PTGER3: variants seen among roughly 807,000 people sequenced by gnomAD.
The protein encoded by PTGER3 is prostaglandin E2 receptor EP3 subtype.
A neutral mutation model predicts 34.7 loss-of-function variants in PTGER3; 22 were observed. The observed-to-expected ratio is 0.63, with a 90% CI of 0.45 to 0.91. PTGER3 has a LOEUF of 0.91. Ranked by LOEUF, PTGER3 falls within the 40% of genes least tolerant of loss-of-function variation. The pLI, the probability that PTGER3 is intolerant of heterozygous loss-of-function variation, is 0.00. For synonymous variants in PTGER3, 241 were observed against 230.1 expected (o/e 1.05, Z -0.43); for missense variants, 468 against 519.4 (o/e 0.90, Z 0.96).
At chr1:70,990,591 T>A (rs1655383430) in intron 2 of PTGER3, among the ~76,000 whole-genome samples, 1 of 151,858 alleles carries the variant, frequency 6.6e-6, no homozygotes, top group Non-Finnish European at 1.5e-5. Context: ...GGCAGTGGCA[T>A]AACCACAGCC....
downstream of PTGER3, among the ~76,000 whole-genome samples, chr1:70,966,175 A>G (rs1404729248): frequency 1.3e-5 from 2 of 152,160 alleles, no homozygotes; most frequent in Admixed American, 6.5e-5. Context: ...TGTTCATTTT[A>G]TTGTACAGGC....
chr1:71,011,245 G>A, intron 2 of PTGER3: 3 of 985,330 alleles, frequency 3.0e-6, no homozygotes, highest in Non-Finnish European at 3.6e-6. Flanking sequence ...GCAGGCAGAA[G>A]AGCTGTGAAG....
chr1:71,040,031 G>T (rs1182239542), intron 1 of PTGER3, among the ~76,000 whole-genome samples: 4 of 150,542 alleles, frequency 2.7e-5, no homozygotes, highest in Admixed American at 6.7e-5. Context: ...AGGCATTTTT[G>T]TTTCAGAAAG....
At chr1:70,916,955 T>G (rs1647186570) in intron 4 of PTGER3, among the ~76,000 whole-genome samples, 1 of 152,042 alleles carries the variant, frequency 6.6e-6, no homozygotes. Context: ...TTTCAACACA[T>G]GTATACATGA....
intron 2 of PTGER3, among the ~76,000 whole-genome samples, chr1:70,960,595 T>C (rs1177664510): frequency 6.6e-6 from 1 of 152,078 alleles, no homozygotes; most frequent in Non-Finnish European, 1.5e-5. Flanking sequence ...GAGACCATAC[T>C]ACCAATGTCA....
intron 4 of PTGER3, among the ~76,000 whole-genome samples, chr1:70,883,201 G>A (rs958874559): frequency 1.3e-5 from 2 of 152,162 alleles, no homozygotes; most frequent in Non-Finnish European, 2.9e-5. Flanking sequence ...TTATGTTCCT[G>A]AGGGCAGTTT....
chr1:70,979,510 C>T (rs1402140712), intron 2 of PTGER3, among the ~76,000 whole-genome samples: 1 of 152,036 alleles, frequency 6.6e-6, no homozygotes, highest in Non-Finnish European at 1.5e-5. Context: ...TGCACGTTAT[C>T]TACTGTCATT....
intron 2 of PTGER3, among the ~76,000 whole-genome samples, chr1:70,957,914 A>T (rs1358663461): frequency 6.6e-6 from 1 of 152,108 alleles, no homozygotes; most frequent in African/African-American, 2.4e-5. Context: ...TAGATTTCAC[A>T]TGAGTGAGAT....
chr1:70,923,282 T>C (rs1647732084), intron 4 of PTGER3, among the ~76,000 whole-genome samples: 2 of 152,146 alleles, frequency 1.3e-5, no homozygotes, highest in African/African-American at 2.4e-5. Context: ...ACTCCTCTAA[T>C]TCTGATATGG....
chr1:70,862,430 T>C, intron 4 of PTGER3: 1 of 1,293,000 alleles, frequency 7.7e-7, no homozygotes, highest in Non-Finnish European at 1.0e-6. Flanking sequence ...AATATTGTGC[T>C]GAAAAAGTCC....
chr1:71,015,300 C>T (rs1045087430), intron 1 of PTGER3, among the ~76,000 whole-genome samples: 10 of 152,082 alleles, frequency 6.6e-5, no homozygotes, highest in Admixed American at 5.9e-4. Context: ...AAAACTTGGA[C>T]GTATGGGGGA....
intron 4 of PTGER3, among the ~76,000 whole-genome samples, chr1:70,937,311 T>C (rs1557668735): frequency 6.6e-6 from 1 of 152,212 alleles, no homozygotes; most frequent in Non-Finnish European, 1.5e-5. Flanking sequence ...AGTGTTTTTG[T>C]AAAGCATTTA....
At chr1:70,909,705 C>A (rs1647023362) in intron 4 of PTGER3, among the ~76,000 whole-genome samples, 1 of 152,036 alleles carries the variant, frequency 6.6e-6, no homozygotes, top group African/African-American at 2.4e-5. Context: ...AGTGAAATAC[C>A]CAGGCCTGTC....
intron 4 of PTGER3, among the ~76,000 whole-genome samples, chr1:70,875,443 G>T (rs538683338): frequency 1.5e-4 from 23 of 152,290 alleles, no homozygotes; most frequent in African/African-American, 5.3e-4. Context: ...TTTAGGAGAA[G>T]AATACAATTT....
intron 4 of PTGER3, among the ~76,000 whole-genome samples, chr1:70,885,410 A>G (rs1646477124): frequency 6.6e-6 from 1 of 152,204 alleles, no homozygotes; most frequent in Non-Finnish European, 1.5e-5. Flanking sequence ...AGAAAGATAC[A>G]AAGAATATAA....
At chr1:70,968,616 C>G (rs1187185943), downstream of PTGER3, among the ~76,000 whole-genome samples, 1 of 151,958 alleles carries the variant, frequency 6.6e-6, no homozygotes, top group Non-Finnish European at 1.5e-5. Flanking sequence ...AATTTGTACA[C>G]AATGGATACA....
chr1:70,897,142 G>A (rs560887473), intron 4 of PTGER3, among the ~76,000 whole-genome samples: 23 of 152,174 alleles, frequency 1.5e-4, no homozygotes, highest in African/African-American at 4.6e-4. Context: ...TTGAGACCCC[G>A]TTCCCCTTTC....
intron 4 of PTGER3, among the ~76,000 whole-genome samples, chr1:70,926,217 C>A (rs142501992): frequency 0.032 from 4,919 of 152,110 alleles, 300 homozygotes; most frequent in African/African-American, 0.11. Context: ...TTCTGTGAAG[C>A]AAGTCATTGG....
At chr1:71,044,017 A>G (rs112036953) in intron 1 of PTGER3, among the ~76,000 whole-genome samples, 13,824 of 151,360 alleles carry the variant, frequency 0.091, 785 homozygotes, top group African/African-American at 0.15. Flanking sequence ...GGGTTTGGCC[A>G]TGTTGGAATG....
Sources: gnomAD v4.1 joint callset for allele counts (sites outside exome capture counted in the v4.1 genomes callset) on GRCh38, gnomAD v4.1.1 for gene constraint, MANE v1.5 for transcripts, NCBI Gene and HGNC (gene_info 2026-07-23, HGNC 2026-07-21) for gene names.